LRBA: variants seen among roughly 807,000 people sequenced by gnomAD.
LRBA encodes the protein LPS responsive beige-like anchor protein.
In LRBA, 176 loss-of-function variants were observed where a neutral mutation model predicts 330.0. The observed-to-expected ratio is 0.53, with a 90% confidence interval of 0.47 to 0.60. The LOEUF is 0.60. LRBA is among the 20% of genes least tolerant of loss of function. LRBA has a pLI of 0.00. For synonymous variants in LRBA, 1,230 were observed against 1,193.0 expected, an observed-to-expected ratio of 1.03 and a Z score of -0.64; for missense variants, 3,259 against 3,444.8, an observed-to-expected ratio of 0.95 and a Z score of 1.35.
intron 30 of LRBA, among the ~76,000 whole-genome samples, chr4:150,818,369 C>G (rs1280697131): frequency 1.3e-5 from 2 of 152,022 alleles, no homozygotes; most frequent in Admixed American, 6.6e-5. Context: ...TTCAGGGTAG[C>G]TGGTGTCACA....
intron 37 of LRBA, among the ~76,000 whole-genome samples, chr4:150,632,858 T>A (rs865838462): frequency 1.3e-5 from 2 of 152,224 alleles, no homozygotes; most frequent in South Asian, 4.1e-4. Flanking sequence ...TGTTTATATT[T>A]TTCCCCCTCC....
chr4:150,680,916 A>T (rs1224456360), intron 37 of LRBA, among the ~76,000 whole-genome samples: 1 of 152,210 alleles, frequency 6.6e-6, no homozygotes, highest in Non-Finnish European at 1.5e-5. Context: ...AATAAATGAC[A>T]TTAATGGGAA....
At chr4:150,558,039 A>G (rs1230479467) in intron 40 of LRBA, among the ~76,000 whole-genome samples, 2 of 152,172 alleles carry the variant, frequency 1.3e-5, no homozygotes, top group East Asian at 1.9e-4. Flanking sequence ...CTGGAATTAC[A>G]GGCACATACC....
intron 42 of LRBA, among the ~76,000 whole-genome samples, chr4:150,475,683 G>A (rs1429284228): frequency 6.6e-6 from 1 of 151,380 alleles, no homozygotes; most frequent in Non-Finnish European, 1.5e-5. Flanking sequence ...GATCACTTGA[G>A]CCCAAGTTCG....
chr4:150,811,811 G>A (rs904578195), intron 31 of LRBA, among the ~76,000 whole-genome samples: 3 of 152,200 alleles, frequency 2.0e-5, no homozygotes, highest in East Asian at 3.9e-4. Flanking sequence ...TGCCCACTGT[G>A]CTAAATGATA....
intron 18 of LRBA, 117 bp from the exon 19 acceptor site, chr4:150,871,570 C>T (rs1753447042): frequency 1.6e-6 from 1 of 608,016 alleles, no homozygotes; most frequent in Admixed American, 2.3e-5. Context: ...ATTCCCAACT[C>T]AATTACTCTC....
intron 34 of LRBA, among the ~76,000 whole-genome samples, chr4:150,788,458 G>C (rs1739407381): frequency 6.6e-6 from 1 of 151,948 alleles, no homozygotes; most frequent in Non-Finnish European, 1.5e-5. Flanking sequence ...AGAAAGGAAA[G>C]TAATTTGCCA....
chr4:150,581,362 G>C lies in LRBA; in HGVS notation c.6330+6686C>G, dbSNP rs1480171849. Reference sequence around the variant, plus strand: ...TCACTGGTGCACATATACAGCAACTGCTCTGATTCTTGGCAACAATGGGAG... The same window carrying C: ...TCACTGGTGCACATATACAGCAACTCCTCTGATTCTTGGCAACAATGGGAG... On this transcript the variant is annotated intron_variant, in intron 40 of 56. Transcript: ENST00000651943. 3 of 438,928 alleles carry C rather than the reference G, an allele frequency of 6.8e-6. No individual in the cohort carries two copies. In the East Asian group the frequency reaches 2.2e-4, roughly 32 times the overall value. The allele number at this position is 438,928 out of a possible 1,614,324, so 27.2% of individuals were successfully genotyped here.
rs753950457 is a variant in LRBA at position 150,828,922 on chromosome 4, G to GGT, written c.4730-303_4730-302dup. 5.2e-3 allele frequency among the ~76,000 whole-genome samples: 548 copies of GGT among 106,208 alleles called. 2 individuals are homozygous for GGT. Among genetic ancestry groups the GGT allele is most frequent in the African/African-American group, 0.016 (363 of 22,264 alleles). 69.7% of individuals were successfully genotyped at this position (106,208 alleles called of 152,430 possible). ...GAAAAAGTCTATAATCTTTTTTGGG[G>GGT]GTGTGTGTGTGTGTGTGTGTGTGTG... On this transcript the variant is annotated intron_variant, in intron 29 of 56. Transcript: ENST00000651943.
chr4:150,508,512 C>A (rs1761439760), intron 40 of LRBA, among the ~76,000 whole-genome samples: 1 of 152,150 alleles, frequency 6.6e-6, no homozygotes, highest in Non-Finnish European at 1.5e-5. Context: ...TGGTCTCGAA[C>A]TCCTGACCTC....
At chr4:150,534,020 C>T (rs1245757877) in intron 40 of LRBA, among the ~76,000 whole-genome samples, 1 of 152,136 alleles carries the variant, frequency 6.6e-6, no homozygotes, top group African/African-American at 2.4e-5. Context: ...TTGTCTTTTC[C>T]TGTTGTTCAG....
At chr4:150,792,277 A>C (rs1740061523) in intron 34 of LRBA, among the ~76,000 whole-genome samples, 1 of 152,038 alleles carries the variant, frequency 6.6e-6, no homozygotes, top group South Asian at 2.1e-4. Flanking sequence ...ACTTAAAAGA[A>C]ATAAATTTCT....
intron 48 of LRBA, among the ~76,000 whole-genome samples, chr4:150,328,231 G>T (rs1733540272): frequency 6.6e-6 from 1 of 152,170 alleles, no homozygotes; most frequent in African/African-American, 2.4e-5. Context: ...TTTGGCAGGA[G>T]AAAGACAGTA....
intron 44 of LRBA, 99 bp downstream of exon 44, chr4:150,467,574 T>C (rs1755595193): frequency 1.4e-6 from 1 of 697,316 alleles, no homozygotes; most frequent in Non-Finnish European, 2.4e-6. Flanking sequence ...TACGACTATA[T>C]TTGAAAAAAA....
At chr4:150,726,789 C>A (rs1253172710) in intron 36 of LRBA, among the ~76,000 whole-genome samples, 8 of 152,054 alleles carry the variant, frequency 5.3e-5, no homozygotes, top group Non-Finnish European at 5.9e-5. Context: ...TCCCTCAACA[C>A]GTGGGGATTA....
chr4:151,008,988 A>AAAAAAAAAAAAATAT (rs1554018903), intron 2 of LRBA, among the ~76,000 whole-genome samples: 3 of 5,530 alleles, frequency 5.4e-4, no homozygotes, highest in African/African-American at 1.4e-3. Context: ...AAAAAAAAAA[A>AAAAAAAAAAAAATAT]ATATATATAT....
chr4:150,476,871 A>G (rs771602462), intron 42 of LRBA, among the ~76,000 whole-genome samples: 33 of 152,190 alleles, frequency 2.2e-4, no homozygotes, highest in Non-Finnish European at 3.7e-4. Flanking sequence ...ATTCCAGATC[A>G]AGAACCACCA....
At chr4:150,899,955 G>A in intron 14 of LRBA, 94 bp downstream of exon 14, 2 of 847,980 alleles carry the variant, frequency 2.4e-6, no homozygotes, top group South Asian at 5.8e-5. Flanking sequence ...TAGAAAAACT[G>A]CCCAAATATA....
At chr4:150,368,841 C>T (rs1304665021) in intron 47 of LRBA, among the ~76,000 whole-genome samples, 1 of 152,194 alleles carries the variant, frequency 6.6e-6, no homozygotes, top group Admixed American at 6.5e-5. Context: ...TTGTTCTCTT[C>T]CTCTCACTCA....
Sources: gnomAD v4.1 joint callset for allele counts (sites outside exome capture counted in the v4.1 genomes callset) on GRCh38, gnomAD v4.1.1 for gene constraint, MANE v1.5 for transcripts, NCBI Gene and HGNC (gene_info 2026-07-23, HGNC 2026-07-21) for gene names.